Variants in SUSD3 observed in about 807,000 individuals in gnomAD.
SUSD3 encodes the protein sushi domain containing 3.
SUSD3 carries 18 observed loss-of-function variants against 20.6 expected under a neutral mutation model. That is an observed-to-expected ratio of 0.87 (90% confidence interval 0.60 to 1.30). SUSD3 has a LOEUF of 1.30. Ranked by LOEUF, SUSD3 falls within the 50% of genes most tolerant of loss-of-function variation. The pLI is 0.00. For missense variants in SUSD3, 306 were observed against 346.9 expected (o/e 0.88, Z 0.94); for synonymous variants, 137 against 141.5 (o/e 0.97, Z 0.23).
At chr9:93,078,949 G>A (rs150389646) in intron 3 of SUSD3, among the ~76,000 whole-genome samples, 7,522 of 151,970 alleles carry the variant, frequency 0.049, 292 homozygotes, top group South Asian at 0.14. Flanking sequence ...ACAAGCGCCC[G>A]CCACCATGCT....
In SUSD3 at chr9:93,075,861, G is replaced by A. The variant is rs1187513496; in HGVS notation, c.166G>A (p.Val56Met). 12 of 1,613,470 alleles carry A rather than the reference G, an allele frequency of 7.4e-6. No homozygotes were observed. The highest frequency in any genetic ancestry group is 2.2e-5 in the South Asian group (2 of 91,084). The change falls in exon 2 of 5, where the codon GTG becomes ATG. Residue 56 changes from valine (V) to methionine (M), a missense_variant. Val to Met is a conservative substitution (Grantham distance 21). Coordinates refer to ENST00000375472, the MANE Select transcript of SUSD3 (RefSeq NM_145006.4). ...TGGCAATGGTGCTTCCGTGGGGACC[G>A]TGCTCATGTTCCGCTGCCCCTCCAA... The part of the protein sequence containing the change: ...LRGNGASVGT[V>M]LMFRCPSNHQ...
intron 3 of SUSD3, among the ~76,000 whole-genome samples, chr9:93,078,806 C>CT (rs201477487): frequency 0.087 from 12,907 of 148,164 alleles, 654 homozygotes; most frequent in Middle Eastern, 0.22. Context: ...AAAACTTAAC[C>CT]TTTTTTTTTT....
intron 1 of SUSD3, among the ~76,000 whole-genome samples, chr9:93,072,272 G>A (rs1254958989): frequency 6.6e-6 from 1 of 152,148 alleles, no homozygotes; most frequent in African/African-American, 2.4e-5. Flanking sequence ...CCCTCCTGAG[G>A]GCCACCCCTG....
rs1477769944 is a variant in SUSD3, at chr9:93,069,068, G to A, written c.89-6716G>A. 3 of 701,770 alleles carry A rather than the reference G, an allele frequency of 4.3e-6. No homozygotes were observed. The South Asian group carries it at 4.4e-5, about 10-fold the overall frequency. The allele number at this position is 701,770 out of a possible 1,614,324, so 43.5% of individuals were successfully genotyped here. A position where few individuals can be genotyped will look rare whatever the true frequency, so the allele number is the denominator to read the frequency against. The stretch of plus-strand genomic sequence containing the variant: ...CACCCTTCTTGCGATGATGTGAGAT[G>A]ATAAAATGCCTACATGATGAGATGA... On this transcript the variant is annotated intron_variant, in intron 1 of 4. Transcript: ENST00000375472.
intron 2 of SUSD3, among the ~76,000 whole-genome samples, chr9:93,077,155 C>T (rs541895361): frequency 1.3e-5 from 2 of 152,264 alleles, no homozygotes; most frequent in East Asian, 3.9e-4. Context: ...GCCAGAACAT[C>T]CAGTAGAATC....
chr9:93,063,973 T>C (rs571888500), intron 1 of SUSD3, among the ~76,000 whole-genome samples: 1 of 152,334 alleles, frequency 6.6e-6, no homozygotes, highest in South Asian at 2.1e-4. Context: ...AGTTTTTAAT[T>C]TGACGGCGCA....
At chr9:93,075,736 G>GGCCCCCCCCCCCCCCCCCCCCCCCCCC in intron 1 of SUSD3, 48 bp from the exon 2 acceptor site, 2 of 272,216 alleles carry the variant, frequency 7.3e-6, no homozygotes, top group South Asian at 5.8e-5. Context: ...TGCCCTGCGT[G>GGCCCCCCCCCCCCCCCCCCCCCCCCCC]CCCACCCCCC....
chr9:93,072,383 G>A (rs773724625), intron 1 of SUSD3, among the ~76,000 whole-genome samples: 1 of 152,188 alleles, frequency 6.6e-6, no homozygotes, highest in Non-Finnish European at 1.5e-5. Context: ...CTGCTGGGGA[G>A]TGGGTCAATG....
chr9:93,078,101 C>A, intron 3 of SUSD3, 108 bp downstream of exon 3: 1 of 1,465,756 alleles, frequency 6.8e-7, no homozygotes, highest in Non-Finnish European at 9.3e-7. Flanking sequence ...GCCCTCAGGG[C>A]ACCCGTTCCT....
At chr9:93,061,783 C>T (rs917291173) in intron 1 of SUSD3, among the ~76,000 whole-genome samples, 3 of 152,192 alleles carry the variant, frequency 2.0e-5, no homozygotes, top group Non-Finnish European at 4.4e-5. Context: ...CTGAAGGTTC[C>T]TGTTTCACAT....
Position 93,079,590 on chromosome 9 carries a change from ACAG to A in SUSD3, c.547_549del (p.Ser183del). ...GGGCCCAGCCAGGCGCACGACAACC[ACAG>A]CTTCACCACGTGAGCCCGGGTCTGG... On this transcript the variant is annotated inframe_deletion, in exon 4 of 5. Transcript: ENST00000375472. 6.2e-7 allele frequency: 1 copy of A among 1,613,770 alleles called. No individual in the cohort carries two copies. The highest frequency in any genetic ancestry group is 8.5e-7 in the Non-Finnish European group (1 of 1,179,954).
At chr9:93,069,137 C>T in intron 1 of SUSD3, 1 of 702,508 alleles carries the variant, frequency 1.4e-6, no homozygotes, top group Non-Finnish European at 2.6e-6. Context: ...TGGGAAATTC[C>T]AGAGATAATT....
intron 4 of SUSD3, among the ~76,000 whole-genome samples, chr9:93,082,127 C>T (rs1826438132): frequency 1.3e-5 from 2 of 152,160 alleles, no homozygotes; most frequent in Non-Finnish European, 2.9e-5. Context: ...GGGTAGTTTC[C>T]GTCAGCATTT....
At chr9:93,075,411 C>CTTTT (rs58393196) in intron 1 of SUSD3, among the ~76,000 whole-genome samples, 1,135 of 101,092 alleles carry the variant, frequency 0.011, 15 homozygotes, top group African/African-American at 0.035. Context: ...CTCTGTCCCT[C>CTTTT]TTTTTTTTTT....
chr9:93,066,807 C>T (rs546120086), intron 1 of SUSD3, among the ~76,000 whole-genome samples: 1 of 152,210 alleles, frequency 6.6e-6, no homozygotes, highest in East Asian at 1.9e-4. Context: ...CTCCCGGGTT[C>T]AAGCGATTCC....
At position 93,079,499 on chromosome 9, in the gene SUSD3, GATGA is replaced by G; in HGVS notation, c.455_458del (p.Asp152GlyfsTer20). 3 of 1,614,116 alleles carry G rather than the reference GATGA, an allele frequency of 1.9e-6. No individual in the cohort carries two copies. The highest frequency in any genetic ancestry group is 2.5e-6 in the Non-Finnish European group (3 of 1,180,004). On this transcript the variant is annotated frameshift_variant, in exon 4 of 5. Coordinates refer to ENST00000375472, the MANE Select transcript of SUSD3 (RefSeq NM_145006.4). LOFTEE classifies it high-confidence loss of function. ...AGCCCAGCTGTGGTCCCAGCTGAAAGATGAGGACTTGGAGACGGTGCAGGCCGCA... is the reference window on the plus strand; with the variant it reads ...AGCCCAGCTGTGGTCCCAGCTGAAAGGGACTTGGAGACGGTGCAGGCCGCA...
chr9:93,075,665 A>G, intron 1 of SUSD3, 119 bp from the exon 2 acceptor site: 1 of 673,580 alleles, frequency 1.5e-6, no homozygotes, highest in South Asian at 1.8e-5. Context: ...TTGGAGCTGC[A>G]CCCCACCCCT....
intron 1 of SUSD3, 36 bp from the exon 2 acceptor site, chr9:93,075,748 C>CCCCCCCCCCCCCCCCCCCCCA: frequency 4.9e-6 from 1 of 202,416 alleles, no homozygotes; most frequent in Non-Finnish European, 9.9e-6. Context: ...CCACCCCCCC[C>CCCCCCCCCCCCCCCCCCCCCA]CCCCCGCCAT....
Position 93,084,842 on chromosome 9 carries a change from C to T in SUSD3, c.*95C>T, listed in dbSNP as rs981956215. On this transcript the variant is annotated 3_prime_UTR_variant, in exon 5 of 5. Coordinates refer to ENST00000375472, the MANE Select transcript of SUSD3 (RefSeq NM_145006.4). ...CAACTCCACATCAACTCCACATGCG[C>T]CCAGCTCGAGACTGATGAGTGGAAT... 2.6e-6 allele frequency: 3 copies of T among 1,158,596 alleles called. No individual in the cohort carries two copies. Among genetic ancestry groups the T allele is most frequent in the African/African-American group, 1.6e-5 (1 of 63,186 alleles). 71.8% of individuals were successfully genotyped at this position (1,158,596 alleles called of 1,614,324 possible). A position where few individuals can be genotyped will look rare whatever the true frequency, so the allele number is the denominator to read the frequency against.
Sources: allele counts gnomAD v4.1 joint callset (sites outside exome capture counted in the v4.1 genomes callset), GRCh38; gene constraint gnomAD v4.1.1; transcripts MANE v1.5; gene names NCBI Gene and HGNC (gene_info 2026-07-23, HGNC 2026-07-21).